Variants in ANK1 observed in about 807,000 individuals in gnomAD.
ANK1 encodes the protein ankyrin 1.
In ANK1, 51 loss-of-function variants were observed where a neutral mutation model predicts 210.4. The observed-to-expected ratio is 0.24, with a 90% confidence interval of 0.19 to 0.31. The LOEUF (loss-of-function observed/expected upper bound fraction) is 0.31, where lower values mean the gene tolerates loss of function less well. Ranked by LOEUF, ANK1 falls within the 10% of genes least tolerant of loss-of-function variation. The pLI, the probability that ANK1 is intolerant of heterozygous loss-of-function variation, is 1.00. For missense variants in ANK1, 2,051 were observed against 2,504.4 expected, an observed-to-expected ratio of 0.82 and a Z score of 3.86; for synonymous variants, 967 against 1,025.9, an observed-to-expected ratio of 0.94 and a Z score of 1.10.
chr8:41,693,483 G>A (rs1819890428), intron 29 of ANK1, among the ~76,000 whole-genome samples: 1 of 126,654 alleles, frequency 7.9e-6, no homozygotes, highest in South Asian at 2.8e-4. Flanking sequence ...TGTTGCCCAG[G>A]CTGCAGTGTA....
chr8:41,734,639 C>T (rs781223333), intron 2 of ANK1, among the ~76,000 whole-genome samples: 4 of 151,770 alleles, frequency 2.6e-5, no homozygotes, highest in East Asian at 1.9e-4. Flanking sequence ...CACCTGTAGT[C>T]GCAGCGCTTT....
intron 37 of ANK1, among the ~76,000 whole-genome samples, chr8:41,682,476 T>C (rs575019495): frequency 6.6e-6 from 1 of 152,360 alleles, no homozygotes; most frequent in East Asian, 1.9e-4. Flanking sequence ...TTTGTCTGGT[T>C]GAGAACAGGT....
chr8:41,784,172 C>T (rs376549350), intron 1 of ANK1, among the ~76,000 whole-genome samples: 1 of 152,110 alleles, frequency 6.6e-6, no homozygotes. Context: ...ACATAACACA[C>T]TTAGGGAAAG....
intron 3 of ANK1, among the ~76,000 whole-genome samples, chr8:41,731,869 G>A (rs1000442236): frequency 2.0e-5 from 3 of 152,258 alleles, no homozygotes; most frequent in Admixed American, 6.5e-5. Context: ...TCCGGCACAC[G>A]CGGGGCAGGT....
chr8:41,809,530 G>A (rs111676259), intron 1 of ANK1, among the ~76,000 whole-genome samples: 1,733 of 152,302 alleles, frequency 0.011, 19 homozygotes, highest in Non-Finnish European at 0.018. Flanking sequence ...TACTTTGAGA[G>A]CCAAGGTAGG....
intron 2 of ANK1, among the ~76,000 whole-genome samples, chr8:41,740,348 CG>C (rs1834468741): frequency 6.6e-6 from 1 of 151,562 alleles, no homozygotes; most frequent in South Asian, 2.1e-4. Flanking sequence ...TTTTAGTAGA[CG>C]GGGTTTCACC....
chr8:41,773,786 A>G (rs117166152), intron 1 of ANK1, among the ~76,000 whole-genome samples: 5,406 of 152,220 alleles, frequency 0.036, 149 homozygotes, highest in Non-Finnish European at 0.055. Flanking sequence ...AGATCCAAGG[A>G]AAGTCTAAGT....
At chr8:41,746,194 C>A (rs1402274408) in intron 2 of ANK1, among the ~76,000 whole-genome samples, 2 of 152,216 alleles carry the variant, frequency 1.3e-5, no homozygotes, top group African/African-American at 4.8e-5. Flanking sequence ...CAGCCTCTTT[C>A]TAACCCGGAT....
At chr8:41,742,904 G>A (rs557009675) in intron 2 of ANK1, among the ~76,000 whole-genome samples, 20 of 152,302 alleles carry the variant, frequency 1.3e-4, no homozygotes, top group Admixed American at 1.1e-3. Flanking sequence ...TGTCTACATA[G>A]TGGACTCCTC....
intron 18 of ANK1, 140 bp downstream of exon 18, chr8:41,706,003 A>T: frequency 1.2e-6 from 1 of 849,090 alleles, no homozygotes; most frequent in Non-Finnish European, 1.9e-6. Flanking sequence ...TAGTGTTTTC[A>T]AACTCCACTG....
At chr8:41,781,357 G>A (rs1388096038) in intron 1 of ANK1, among the ~76,000 whole-genome samples, 1 of 152,208 alleles carries the variant, frequency 6.6e-6, no homozygotes, top group Non-Finnish European at 1.5e-5. Context: ...TCCCCAACTG[G>A]AAGGGCTACC....
At chr8:41,893,864 T>C (rs1270615698) in intron 1 of ANK1, among the ~76,000 whole-genome samples, 3 of 152,110 alleles carry the variant, frequency 2.0e-5, no homozygotes, top group South Asian at 2.1e-4. Context: ...CCTTGAAAAA[T>C]TATCTCCTTC....
intron 6 of ANK1, 111 bp downstream of exon 6, chr8:41,725,650 C>T: frequency 1.4e-6 from 2 of 1,440,732 alleles, no homozygotes; most frequent in Non-Finnish European, 9.4e-7. Context: ...GTGCGCACTG[C>T]CCGCCCTGCA....
chr8:41,686,040 GAC>G, intron 36 of ANK1, 110 bp downstream of exon 36: 1 of 1,532,158 alleles, frequency 6.5e-7, no homozygotes. Context: ...GTGTGAGAGA[GAC>G]AGAGACAGAC....
chr8:41,690,113 T>C (rs1460777592), intron 33 of ANK1, 114 bp downstream of exon 33: 1 of 1,532,308 alleles, frequency 6.5e-7, no homozygotes, highest in Non-Finnish European at 8.9e-7. Flanking sequence ...CTCGGGGGAC[T>C]CTAAGCTTCC....
At chr8:41,794,808 G>A (rs1253275664) in intron 1 of ANK1, among the ~76,000 whole-genome samples, 2 of 152,104 alleles carry the variant, frequency 1.3e-5, no homozygotes, top group Non-Finnish European at 2.9e-5. Flanking sequence ...AGGTTCAAGC[G>A]ATTCTCCTGC....
At chr8:41,888,653 A>T (rs1380843358) in intron 1 of ANK1, among the ~76,000 whole-genome samples, 1 of 152,260 alleles carries the variant, frequency 6.6e-6, no homozygotes, top group Non-Finnish European at 1.5e-5. Context: ...TTATGAAGTG[A>T]TTATATAGAG....
chr8:41,663,833 A>G, intron 39 of ANK1, 91 bp from the exon 40 acceptor site: 1 of 1,031,582 alleles, frequency 9.7e-7, no homozygotes, highest in South Asian at 1.3e-5. Context: ...AGCAGTAGCC[A>G]CAATAGCCAT....
Position 41,672,823 on chromosome 8 carries a change from CATT to C in ANK1, c.4624_4626del (p.Asn1542del), listed in dbSNP as rs1278052771. On this transcript the variant is annotated inframe_deletion, in exon 38 of 43. Transcript: ENST00000289734. ...GGGATGGCGTCTAGGACGGCCACCT[CATT>C]CCAGTACTGGTCTGCACGTAGCGGA... The C allele has an allele frequency of 6.2e-7, 1 of 1,610,264 alleles. No individual in the cohort carries two copies. Among genetic ancestry groups the C allele is most frequent in the Non-Finnish European group, 8.5e-7 (1 of 1,177,810 alleles).
Sources: gnomAD v4.1 joint callset for allele counts (sites outside exome capture counted in the v4.1 genomes callset) on GRCh38, gnomAD v4.1.1 for gene constraint, MANE v1.5 for transcripts, NCBI Gene and HGNC (gene_info 2026-07-23, HGNC 2026-07-21) for gene names.